NHSL1: variants seen among roughly 807,000 people sequenced by gnomAD.
The protein encoded by NHSL1 is NHS like 1.
A neutral mutation model predicts 95.0 loss-of-function variants in NHSL1; 48 were observed. The observed-to-expected ratio is 0.51, with a 90% CI of 0.40 to 0.64. NHSL1 has a LOEUF of 0.64. Among genes scored for constraint, NHSL1 ranks in the 30% least tolerant of loss-of-function variants. The pLI is 0.00. For synonymous variants in NHSL1, 783 were observed against 833.9 expected, an observed-to-expected ratio of 0.94 and a Z score of 1.05; for missense variants, 1,971 against 2,077.7, an observed-to-expected ratio of 0.95 and a Z score of 1.00.
At chr6:138,513,230 G>A (rs914326083) in intron 1 of NHSL1, among the ~76,000 whole-genome samples, 1 of 152,140 alleles carries the variant, frequency 6.6e-6, no homozygotes, top group African/African-American at 2.4e-5. Flanking sequence ...AAAGAGCCTG[G>A]CGAACTTTAA....
intron 1 of NHSL1, among the ~76,000 whole-genome samples, chr6:138,610,177 G>A (rs1784490716): frequency 6.6e-6 from 1 of 152,192 alleles, no homozygotes; most frequent in Admixed American, 6.5e-5. Context: ...AGAAAAGCTA[G>A]ATTTGGAGGC....
At position 138,604,414 on chromosome 6, in the gene NHSL1, C is replaced by T. The variant is rs552242436; in HGVS notation, c.96+88062G>A. 2.0e-3 allele frequency among the ~76,000 whole-genome samples: 307 copies of T among 152,252 alleles called. 3 individuals carry two copies. Among genetic ancestry groups the T allele is most frequent in the Non-Finnish European group, 2.7e-3 (186 of 68,012 alleles). On this transcript the variant is annotated intron_variant, in intron 1 of 3. Coordinates refer to the NHSL1 transcript ENST00000491526. The stretch of plus-strand genomic sequence containing the variant: ...ATACTTTCTGCAGAAAACACAAATG[C>T]TATCCCTAAAATCCACAGCTTAGGG...
chr6:138,683,260 A>G lies in NHSL1; in HGVS notation c.96+9216T>C, dbSNP rs111871097. ...CAGAACTCTCTGGTTTTCCAACCAGAGGTATTTTTGTGTTTATCTCTGACA... is the reference window on the plus strand; with the variant it reads ...CAGAACTCTCTGGTTTTCCAACCAGGGGTATTTTTGTGTTTATCTCTGACA... On this transcript the variant is annotated intron_variant, in intron 1 of 3. Transcript: ENST00000491526. 3.5e-3 allele frequency among the ~76,000 whole-genome samples: 527 copies of G among 152,270 alleles called. 1 individual carries two copies. The highest frequency in any genetic ancestry group is 0.012 in the African/African-American group (485 of 41,556).
chr6:138,647,083 T>C lies in NHSL1; in HGVS notation c.96+45393A>G, dbSNP rs541998935. Among the ~76,000 whole-genome samples, 3 of 152,340 alleles carry C rather than the reference T, an allele frequency of 2.0e-5. No homozygotes were observed. The East Asian group carries it at 5.8e-4, about 29-fold the overall frequency. Reference sequence around the variant, plus strand: ...TCCACTAGGACACAACATCCAACTCTCAGCTTCTCCTTTCTGTACTAATCT... The same window carrying C: ...TCCACTAGGACACAACATCCAACTCCCAGCTTCTCCTTTCTGTACTAATCT... On this transcript the variant is annotated intron_variant, in intron 1 of 3. Coordinates refer to the NHSL1 transcript ENST00000491526.
intron 1 of NHSL1, among the ~76,000 whole-genome samples, chr6:138,634,704 A>T (rs763838397): frequency 2.6e-4 from 40 of 152,202 alleles, no homozygotes; most frequent in Middle Eastern, 6.8e-3. Flanking sequence ...GACCTAAGAG[A>T]TATTTACAGA....
Position 138,496,362 on chromosome 6 carries a change from T to A in NHSL1, c.68A>T (p.Asn23Ile). 1.3e-6 allele frequency: 2 copies of A among 1,550,166 alleles called. No homozygotes were observed. The highest frequency in any genetic ancestry group is 1.7e-6 in the Non-Finnish European group (2 of 1,146,834). ...TGTCCATCGGCTTTCCTCATCTAGGTTGGAAACCGCTATAGAAAAAAAGAT... is the reference window on the plus strand; with the variant it reads ...TGTCCATCGGCTTTCCTCATCTAGGATGGAAACCGCTATAGAAAAAAAGAT... Reference protein sequence around the residue: ...IKLFKKKTVSNLDEESRWTVH... With the variant: ...IKLFKKKTVSILDEESRWTVH... Residue 23 changes from asparagine (N) to isoleucine (I), a missense_variant, in exon 2 of 8, where the codon AAC becomes ATC. Around this residue, in one of 3 missense-constraint regions of NHSL1, gnomAD observed 1,602 missense variants for 1,654.5 expected, o/e 0.97. Coordinates refer to ENST00000343505, the MANE Select transcript of NHSL1 (RefSeq NM_001144060.2).
intron 1 of NHSL1, among the ~76,000 whole-genome samples, chr6:138,670,370 TAAA>T (rs750341571): frequency 4.0e-5 from 5 of 125,344 alleles, no homozygotes; most frequent in African/African-American, 2.9e-5. Context: ...CCGTTGAAGG[TAAA>T]AAAAAAAAAA....
At chr6:138,585,789 A>G (rs1285762757) in intron 1 of NHSL1, among the ~76,000 whole-genome samples, 1 of 151,986 alleles carries the variant, frequency 6.6e-6, no homozygotes, top group Non-Finnish European at 1.5e-5. Flanking sequence ...GCTCACACCT[A>G]TAATCCCAGC....
At chr6:138,657,814 C>CAAAAAAA (rs1051789759) in intron 1 of NHSL1, among the ~76,000 whole-genome samples, 3 of 33,008 alleles carry the variant, frequency 9.1e-5, no homozygotes, top group African/African-American at 3.2e-4. Flanking sequence ...GACTCCATCT[C>CAAAAAAA]AAAAAAAAAA....
Position 138,423,115 on chromosome 6 carries a change from A to AC in NHSL1, c.*965dup, listed in dbSNP as rs1775020077. 1 of 150,532 alleles carries AC rather than the reference A, an allele frequency of 6.6e-6. No individual in the cohort carries two copies. The highest frequency in any genetic ancestry group is 2.5e-5 in the African/African-American group (1 of 40,678). 9.3% of individuals were successfully genotyped at this position (150,532 alleles called of 1,614,324 possible). A position where few individuals can be genotyped will look rare whatever the true frequency, so the allele number is the denominator to read the frequency against. ...TGGTTAAAAAAAAAAAAAAAAAAAA[A>AC]CTGTTGTAAAAGGAAAAGCTCCACC... On this transcript the variant is annotated 3_prime_UTR_variant, in exon 8 of 8. Transcript: ENST00000343505.
At chr6:138,541,324 A>C (rs1782571908) in intron 1 of NHSL1, among the ~76,000 whole-genome samples, 1 of 152,192 alleles carries the variant, frequency 6.6e-6, no homozygotes, top group African/African-American at 2.4e-5. Context: ...CCAAGATCGC[A>C]CTACTGCACT....
At chr6:138,473,502 G>GT in intron 2 of NHSL1, 69 bp from the exon 3 acceptor site, 1 of 1,306,346 alleles carries the variant, frequency 7.7e-7, no homozygotes, top group Non-Finnish European at 9.8e-7. Flanking sequence ...CTTACTTTAC[G>GT]TTTACTCCTC....
intron 7 of NHSL1, among the ~76,000 whole-genome samples, chr6:138,429,211 AC>A (rs1178257580): frequency 6.6e-6 from 1 of 152,200 alleles, no homozygotes; most frequent in Non-Finnish European, 1.5e-5. Context: ...AAAGGGCCGT[AC>A]TCTTTTATAG....
At chr6:138,561,546 T>G (rs1283737386) in intron 1 of NHSL1, among the ~76,000 whole-genome samples, 1 of 152,200 alleles carries the variant, frequency 6.6e-6, no homozygotes, top group Non-Finnish European at 1.5e-5. Context: ...TTGCTCCCAG[T>G]AACTTCACAA....
intron 3 of NHSL1, among the ~76,000 whole-genome samples, chr6:138,450,321 T>C (rs1408112446): frequency 3.9e-5 from 6 of 152,230 alleles, no homozygotes; most frequent in Admixed American, 2.6e-4. Flanking sequence ...TCCTGATACA[T>C]ACACATAAAT....
intron 1 of NHSL1, among the ~76,000 whole-genome samples, chr6:138,535,436 T>C (rs565760874): frequency 3.3e-5 from 5 of 152,166 alleles, no homozygotes; most frequent in African/African-American, 1.2e-4. Flanking sequence ...TGATGGTGCA[T>C]GTCTGTAGTC....
chr6:138,651,885 T>C lies in NHSL1; in HGVS notation c.96+40591A>G, dbSNP rs1238783046. ...ATTAGACTGAATATGTATAAAATTA[T>C]TTCACACTTTTTTGGGGTTAAATAA... On this transcript the variant is annotated intron_variant, in intron 1 of 3. Transcript: ENST00000491526. Among the ~76,000 whole-genome samples the C allele has an allele frequency of 2.6e-5, 4 of 152,202 alleles. No homozygotes were observed. In the East Asian group the frequency reaches 7.7e-4, roughly 29 times the overall value.
rs1775549461 is a variant in NHSL1 at position 138,430,344 on chromosome 6, G to A, written c.3952+49C>T. The stretch of plus-strand genomic sequence containing the variant: ...TTCAACAACCCTATCTGGTTCAGCT[G>A]CATATGGGCAGAGGGCACAGGAGAG... On this transcript the variant is annotated intron_variant, in intron 6 of 7. Coordinates refer to ENST00000343505, the MANE Select transcript of NHSL1 (RefSeq NM_001144060.2). The surrounding 1 kb of genome is among the most constrained non-coding windows in gnomAD (Gnocchi z 4.7). 1.4e-6 allele frequency: 2 copies of A among 1,434,948 alleles called. No individual in the cohort carries two copies. The highest frequency in any genetic ancestry group is 9.2e-7 in the Non-Finnish European group (1 of 1,090,304). The allele number at this position is 1,434,948 out of a possible 1,614,324, so 88.9% of individuals were successfully genotyped here.
intron 1 of NHSL1, chr6:138,650,250 A>G: frequency 6.2e-6 from 4 of 641,656 alleles, no homozygotes; most frequent in South Asian, 5.8e-5. Flanking sequence ...TCCTGATGAC[A>G]CCCAGTGGAA....
Sources: allele counts gnomAD v4.1 joint callset (sites outside exome capture counted in the v4.1 genomes callset), GRCh38; gene constraint gnomAD v4.1.1; regional missense constraint gnomAD v4.1.1; non-coding constraint Gnocchi (gnomAD v3.1); transcripts MANE v1.5; gene names NCBI Gene and HGNC (gene_info 2026-07-23, HGNC 2026-07-21).